Variants in NRP1 observed in about 807,000 individuals in gnomAD.
NRP1 encodes the protein neuropilin 1.
NRP1 carries 35 observed loss-of-function variants against 106.7 expected under a neutral mutation model. The ratio of observed to expected loss-of-function variants is 0.33; its 90% CI spans 0.25 to 0.43. NRP1 has a LOEUF of 0.43. NRP1 is among the 20% of genes least tolerant of loss of function. NRP1 has a pLI of 1.00. For synonymous variants in NRP1, 437 were observed against 417.9 expected (o/e 1.05, Z -0.56); for missense variants, 1,024 against 1,170.4 (o/e 0.87, Z 1.83).
At chr10:33,304,722 T>C (rs1239076824) in intron 2 of NRP1, among the ~76,000 whole-genome samples, 1 of 152,196 alleles carries the variant, frequency 6.6e-6, no homozygotes, top group Non-Finnish European at 1.5e-5. Context: ...TCCCCATTTA[T>C]TTGTGGATCC....
In NRP1 at chr10:33,296,042, A is replaced by G. The variant is rs539591323; in HGVS notation, c.249-25186T>C. On this transcript the variant is annotated intron_variant, in intron 2 of 16. Transcript: ENST00000374867. ...TGTAGTTATGTTGGGATTAGTGTGTAAAGTTGCTTGGACTCATTTGTTGTA... is the reference window on the plus strand; with the variant it reads ...TGTAGTTATGTTGGGATTAGTGTGTGAAGTTGCTTGGACTCATTTGTTGTA... Among the ~76,000 whole-genome samples, 229 of 152,302 alleles carry G rather than the reference A, an allele frequency of 1.5e-3. 3 individuals carry two copies. The highest frequency in any genetic ancestry group is 2.3e-3 in the East Asian group (12 of 5,190).
intron 2 of NRP1, among the ~76,000 whole-genome samples, chr10:33,293,157 A>G (rs1392337703): frequency 6.6e-6 from 1 of 152,246 alleles, no homozygotes; most frequent in East Asian, 1.9e-4. Context: ...TTTATCTGGA[A>G]TACTTAAATT....
At chr10:33,309,678 A>G (rs1846431057) in intron 2 of NRP1, among the ~76,000 whole-genome samples, 1 of 152,132 alleles carries the variant, frequency 6.6e-6, no homozygotes, top group African/African-American at 2.4e-5. Flanking sequence ...CTCTCTCATA[A>G]CGCCTTCCCA....
intron 6 of NRP1, among the ~76,000 whole-genome samples, chr10:33,243,896 G>A (rs1473784279): frequency 6.6e-6 from 1 of 151,842 alleles, no homozygotes; most frequent in African/African-American, 2.4e-5. Flanking sequence ...GAGGGAGGGA[G>A]GGAAGGAGAA....
chr10:33,310,469 T>G (rs1351989740), intron 2 of NRP1, among the ~76,000 whole-genome samples: 1 of 151,898 alleles, frequency 6.6e-6, no homozygotes, highest in Admixed American at 6.6e-5. Flanking sequence ...CAGGCTGATT[T>G]TGAACTCCTG....
Position 33,199,130 on chromosome 10 carries a change from A to G in NRP1, c.1865-1421T>C, listed in dbSNP as rs539485133. Among the ~76,000 whole-genome samples the G allele has an allele frequency of 2.6e-5, 4 of 152,038 alleles. No individual in the cohort carries two copies. The South Asian group carries it at 8.3e-4, about 32-fold the overall frequency. On this transcript the variant is annotated intron_variant, in intron 11 of 16. Transcript: ENST00000374867. ...AAGAATCACCAGAATGCTTGTTGAAATTGCAGTCTCCCATCCACCTGTCCT... is the reference window on the plus strand; with the variant it reads ...AAGAATCACCAGAATGCTTGTTGAAGTTGCAGTCTCCCATCCACCTGTCCT...
chr10:33,276,262 A>G (rs1843687899), intron 2 of NRP1, among the ~76,000 whole-genome samples: 1 of 152,220 alleles, frequency 6.6e-6, no homozygotes, highest in African/African-American at 2.4e-5. Flanking sequence ...CCATTTGTTG[A>G]TAAAACAACA....
At chr10:33,298,860 G>A (rs1414978859) in intron 2 of NRP1, among the ~76,000 whole-genome samples, 5 of 152,006 alleles carry the variant, frequency 3.3e-5, no homozygotes, top group Non-Finnish European at 7.4e-5. Flanking sequence ...CCAGGCCTAG[G>A]CTAGAATGTT....
chr10:33,199,363 T>A (rs1220648110), intron 11 of NRP1, among the ~76,000 whole-genome samples: 1 of 64,516 alleles, frequency 1.6e-5, no homozygotes, highest in Non-Finnish European at 3.2e-5. Context: ...TGCCTGGCTG[T>A]TTTCTATATA....
intron 2 of NRP1, among the ~76,000 whole-genome samples, chr10:33,318,421 C>T (rs1847193391): frequency 6.6e-6 from 1 of 152,152 alleles, no homozygotes. Context: ...ACAGGATCCC[C>T]TGACAATCCA....
chr10:33,312,814 A>G (rs1756398030), intron 2 of NRP1, among the ~76,000 whole-genome samples: 1 of 152,154 alleles, frequency 6.6e-6, no homozygotes, highest in African/African-American at 2.4e-5. Flanking sequence ...TTTTTTTCAA[A>G]GTAATTTCTC....
chr10:33,178,341 T>C lies in NRP1; in HGVS notation c.*1735A>G, dbSNP rs1439371637. 3.3e-5 allele frequency: 5 copies of C among 152,212 alleles called. No homozygotes were observed. The highest frequency in any genetic ancestry group is 3.3e-4 in the Admixed American group (5 of 15,278). The allele number at this position is 152,212 out of a possible 1,614,324, so 9.4% of individuals were successfully genotyped here. On this transcript the variant is annotated 3_prime_UTR_variant, in exon 17 of 17. Coordinates refer to ENST00000374867, the MANE Select transcript of NRP1 (RefSeq NM_003873.7). ...TTAATTCATAGGCTGCCTGGTAAGA[T>C]ATTTGCTTCCCTGTGCTGTTAGAGG...
At chr10:33,207,501 A>G (rs915625585) in intron 10 of NRP1, 71 bp downstream of exon 10, 4 of 1,569,584 alleles carry the variant, frequency 2.5e-6, no homozygotes, top group Admixed American at 1.7e-5. Flanking sequence ...CAAAGGCACC[A>G]TCAGGGGCAT....
intron 2 of NRP1, among the ~76,000 whole-genome samples, chr10:33,277,044 G>T (rs995738250): frequency 6.6e-6 from 1 of 151,382 alleles, no homozygotes; most frequent in Non-Finnish European, 1.5e-5. Flanking sequence ...GTTTGAGGCT[G>T]CAGTGAGCTG....
At chr10:33,317,051 T>C (rs571686281) in intron 2 of NRP1, among the ~76,000 whole-genome samples, 27 of 152,306 alleles carry the variant, frequency 1.8e-4, no homozygotes, top group African/African-American at 6.5e-4. Flanking sequence ...ATTTTGCTAC[T>C]CACAAAGAGG....
At chr10:33,294,528 G>A (rs890592777) in intron 2 of NRP1, among the ~76,000 whole-genome samples, 1 of 149,634 alleles carries the variant, frequency 6.7e-6, no homozygotes, top group African/African-American at 2.5e-5. Flanking sequence ...TGAGGCAGGA[G>A]AATCACTCGA....
At chr10:33,264,149 G>A (rs912068394) in intron 3 of NRP1, among the ~76,000 whole-genome samples, 8 of 152,140 alleles carry the variant, frequency 5.3e-5, no homozygotes, top group Non-Finnish European at 1.0e-4. Flanking sequence ...AAATCATGTG[G>A]GAACAATGAA....
chr10:33,180,509 G>A, intron 16 of NRP1, 144 bp from the exon 17 acceptor site: 1 of 805,792 alleles, frequency 1.2e-6, no homozygotes, highest in Non-Finnish European at 1.9e-6. Context: ...GGGAACAGAA[G>A]TGTGGGAGGT....
chr10:33,315,700 G>A (rs555704260), intron 2 of NRP1, among the ~76,000 whole-genome samples: 2 of 137,996 alleles, frequency 1.4e-5, no homozygotes, highest in South Asian at 5.0e-4. Flanking sequence ...ACGGTTCTGA[G>A]AAGTGTCAGA....
Sources: gnomAD v4.1 joint callset for allele counts (sites outside exome capture counted in the v4.1 genomes callset) on GRCh38, gnomAD v4.1.1 for gene constraint, MANE v1.5 for transcripts, NCBI Gene and HGNC (gene_info 2026-07-23, HGNC 2026-07-21) for gene names.